Variants in DAD1 observed in about 807,000 individuals in gnomAD.
DAD1 encodes defender against cell death 1.
A neutral mutation model predicts 9.0 loss-of-function variants in DAD1; 4 were observed. The ratio of observed to expected loss-of-function variants is 0.44; its 90% CI spans 0.22 to 1.01. DAD1 has a LOEUF of 1.01. DAD1 is among the 50% of genes least tolerant of loss of function. The probability of loss-of-function intolerance (pLI) is 0.24; values close to 1 mark genes in which losing one functional copy is unlikely to be tolerated. For synonymous variants in DAD1, 60 were observed against 62.5 expected (o/e 0.96, Z 0.19); for missense variants, 119 against 137.3 (o/e 0.87, Z 0.67).
chr14:22,573,154 T>C (rs5742810), intron 2 of DAD1, among the ~76,000 whole-genome samples: 1 of 151,964 alleles, frequency 6.6e-6, no homozygotes, highest in Non-Finnish European at 1.5e-5. Context: ...ACTGTACATG[T>C]CTTGAAGGCA....
chr14:22,569,955 G>A (rs954957318), intron 2 of DAD1, among the ~76,000 whole-genome samples: 8 of 152,178 alleles, frequency 5.3e-5, no homozygotes, highest in Admixed American at 4.6e-4. Context: ...GCAACGTAGC[G>A]AGACCCCAGC....
Position 22,564,929 on chromosome 14 carries a change from A to T in DAD1, c.*253T>A. The T allele has an allele frequency of 1.7e-6, 1 of 587,538 alleles. No homozygotes were observed. Among genetic ancestry groups the T allele is most frequent in the Non-Finnish European group, 3.0e-6 (1 of 331,582 alleles). The allele number at this position is 587,538 out of a possible 1,614,324, so 36.4% of individuals were successfully genotyped here. A position where few individuals can be genotyped will look rare whatever the true frequency, so the allele number is the denominator to read the frequency against. ...ATGGAGGAGTGGCATGGAGTTCTTTAATTTGGAAGGCAAAAGGTTACATTT... is the reference window on the plus strand; with the variant it reads ...ATGGAGGAGTGGCATGGAGTTCTTTTATTTGGAAGGCAAAAGGTTACATTT... On this transcript the variant is annotated 3_prime_UTR_variant, in exon 3 of 3. Transcript: ENST00000250498.
intron 2 of DAD1, among the ~76,000 whole-genome samples, chr14:22,570,599 T>C (rs1035078830): frequency 1.3e-5 from 2 of 152,122 alleles, no homozygotes; most frequent in Non-Finnish European, 2.9e-5. Flanking sequence ...TAACATCAAG[T>C]TCCCCTTCCC....
At chr14:22,570,604 C>T (rs2037032112) in intron 2 of DAD1, among the ~76,000 whole-genome samples, 1 of 152,190 alleles carries the variant, frequency 6.6e-6, no homozygotes, top group African/African-American at 2.4e-5. Context: ...TCAAGTTCCC[C>T]TTCCCGAGGT....
rs1594882297 is a variant in DAD1 at position 22,576,807 on chromosome 14, C to A, written c.212-1574G>T. ...AATAATAACCAGATTTTAAAATGGGCAAAGGACTTGAATAGACATTTCCCC... is the reference window on the plus strand; with the variant it reads ...AATAATAACCAGATTTTAAAATGGGAAAAGGACTTGAATAGACATTTCCCC... On this transcript the variant is annotated intron_variant, in intron 1 of 2. Coordinates refer to ENST00000250498, the MANE Select transcript of DAD1 (RefSeq NM_001344.4). Among the ~76,000 whole-genome samples, 5 of 152,108 alleles carry A rather than the reference C, an allele frequency of 3.3e-5. No individual in the cohort carries two copies. In the South Asian group the frequency reaches 1.0e-3, roughly 32 times the overall value.
intron 2 of DAD1, among the ~76,000 whole-genome samples, chr14:22,570,456 G>A (rs1021942372): frequency 2.0e-5 from 3 of 152,038 alleles, no homozygotes; most frequent in East Asian, 3.9e-4. Flanking sequence ...GCCCCCCAAT[G>A]ACTGGAAAGA....
At chr14:22,566,622 C>G (rs1251583901) in intron 2 of DAD1, among the ~76,000 whole-genome samples, 1 of 152,216 alleles carries the variant, frequency 6.6e-6, no homozygotes, top group African/African-American at 2.4e-5. Context: ...GCCACCATGC[C>G]TGGCTACATT....
chr14:22,579,544 C>T (rs1021541616), intron 1 of DAD1, among the ~76,000 whole-genome samples: 1 of 152,070 alleles, frequency 6.6e-6, no homozygotes, highest in Non-Finnish European at 1.5e-5. Flanking sequence ...AGTGTAAACC[C>T]CTGCTGTAGA....
intron 1 of DAD1, among the ~76,000 whole-genome samples, chr14:22,585,869 C>T (rs922703598): frequency 2.6e-5 from 4 of 152,202 alleles, no homozygotes; most frequent in Non-Finnish European, 4.4e-5. Flanking sequence ...TCCAATTCAT[C>T]CTACATGCTA....
intron 2 of DAD1, among the ~76,000 whole-genome samples, chr14:22,569,119 A>G (rs977815882): frequency 7.9e-5 from 12 of 152,212 alleles, no homozygotes; most frequent in Admixed American, 2.0e-4. Flanking sequence ...ACTTAATAAC[A>G]TAACTTTTTC....
At chr14:22,580,565 T>C (rs1164005818) in intron 1 of DAD1, among the ~76,000 whole-genome samples, 1 of 152,086 alleles carries the variant, frequency 6.6e-6, no homozygotes, top group Non-Finnish European at 1.5e-5. Flanking sequence ...GTGTTGAGTT[T>C]TGAGGAAATA....
At chr14:22,575,371 C>T in intron 1 of DAD1, 138 bp from the exon 2 acceptor site, 5 of 930,692 alleles carry the variant, frequency 5.4e-6, no homozygotes, top group Non-Finnish European at 7.7e-6. Flanking sequence ...AGGGCATACA[C>T]AGAAATGATA....
intron 2 of DAD1, among the ~76,000 whole-genome samples, chr14:22,574,150 G>A (rs1385152501): frequency 6.6e-6 from 1 of 152,176 alleles, no homozygotes; most frequent in Non-Finnish European, 1.5e-5. Flanking sequence ...TGGGATACCG[G>A]AAGGAGTACG....
intron 2 of DAD1, among the ~76,000 whole-genome samples, chr14:22,568,164 A>C (rs766474389): frequency 6.6e-6 from 1 of 152,230 alleles, no homozygotes; most frequent in Non-Finnish European, 1.5e-5. Flanking sequence ...TACATCAACT[A>C]AAGTTTCACC....
chr14:22,586,062 T>C (rs1182610160), intron 1 of DAD1, among the ~76,000 whole-genome samples: 1 of 152,038 alleles, frequency 6.6e-6, no homozygotes, highest in Non-Finnish European at 1.5e-5. Context: ...AAAACTTAGC[T>C]GGACGTGGTG....
intron 2 of DAD1, among the ~76,000 whole-genome samples, chr14:22,574,232 G>A (rs1451278527): frequency 2.0e-5 from 3 of 152,220 alleles, no homozygotes; most frequent in African/African-American, 7.2e-5. Context: ...AAGGCCAATG[G>A]ATTGTTCTAG....
At chr14:22,584,265 G>T (rs5742758) in intron 1 of DAD1, among the ~76,000 whole-genome samples, 2 of 152,100 alleles carry the variant, frequency 1.3e-5, no homozygotes, top group Admixed American at 6.6e-5. Context: ...ATGGAGAGAT[G>T]AGAAGACAGC....
intron 2 of DAD1, among the ~76,000 whole-genome samples, chr14:22,573,994 C>CA (rs2037060688): frequency 6.6e-6 from 1 of 152,048 alleles, no homozygotes; most frequent in African/African-American, 2.4e-5. Context: ...GACAGCTTTC[C>CA]AAGTGGTGAC....
intron 1 of DAD1, among the ~76,000 whole-genome samples, chr14:22,586,861 T>C (rs1180766132): frequency 2.0e-5 from 3 of 152,204 alleles, no homozygotes; most frequent in East Asian, 3.8e-4. Context: ...GGGTAAATCA[T>C]ACCCTTCTGT....
Sources: gnomAD v4.1 joint callset for allele counts (sites outside exome capture counted in the v4.1 genomes callset) on GRCh38, gnomAD v4.1.1 for gene constraint, MANE v1.5 for transcripts, NCBI Gene and HGNC (gene_info 2026-07-23, HGNC 2026-07-21) for gene names.